Variants in KLHL13 observed in about 807,000 individuals in gnomAD.
The protein encoded by KLHL13 is kelch-like protein 13.
In KLHL13, 10 loss-of-function variants were observed where a neutral mutation model predicts 37.1. The observed-to-expected ratio is 0.27, with a 90% CI of 0.17 to 0.46. The LOEUF (loss-of-function observed/expected upper bound fraction) is 0.46. KLHL13 is among the 20% of genes least tolerant of loss of function. The pLI, the probability that KLHL13 is intolerant of heterozygous loss-of-function variation, is 1.00. For missense variants in KLHL13, 360 were observed against 509.3 expected (o/e 0.71, Z 2.82); for synonymous variants, 163 against 181.2 (o/e 0.90, Z 0.81).
At chrX:117,948,731 C>T (rs1357484216) in intron 1 of KLHL13, among the ~76,000 whole-genome samples, 3 of 111,701 alleles carry the variant, frequency 2.7e-5, no homozygotes, top group Non-Finnish European at 5.6e-5. Context: ...CCACAGCAGA[C>T]GTCTTATTCT....
intron 1 of KLHL13, chrX:117,946,394 TAGTC>T (rs1341589428): frequency 8.9e-6 from 1 of 112,275 alleles, no homozygotes; most frequent in Non-Finnish European, 1.9e-5. Flanking sequence ...AGGAGAACCT[TAGTC>T]AGTAGGTCAC....
chrX:117,950,972 A>C (rs1056732742), intron 1 of KLHL13, among the ~76,000 whole-genome samples: 1 of 112,216 alleles, frequency 8.9e-6, no homozygotes, highest in African/African-American at 3.2e-5. Context: ...CTTGAGAAAT[A>C]AATTAAAAAC....
chrX:118,083,253 T>C (rs1020176247), intron 1 of KLHL13, among the ~76,000 whole-genome samples: 6 of 111,589 alleles, frequency 5.4e-5, no homozygotes, highest in Non-Finnish European at 1.1e-4. Context: ...CAAGTATATA[T>C]ATGTATCTAT....
chrX:117,909,400 G>C, exon 5 of KLHL13: 1 of 1,210,376 alleles, frequency 8.3e-7, no homozygotes, highest in Non-Finnish European at 1.1e-6. Flanking sequence ...GATGCAACTT[G>C]CATCCATTTA....
chrX:117,977,548 G>A (rs2053609306), upstream of KLHL13, among the ~76,000 whole-genome samples: 1 of 111,684 alleles, frequency 9.0e-6, no homozygotes, highest in African/African-American at 3.3e-5. Context: ...GCAAGTTTTG[G>A]TTAATCCTGT....
intron 1 of KLHL13, among the ~76,000 whole-genome samples, chrX:118,057,617 G>A (rs927380100): frequency 9.0e-6 from 1 of 111,307 alleles, no homozygotes; most frequent in Non-Finnish European, 1.9e-5. Flanking sequence ...TCAGAAGATC[G>A]AGACCATCCT....
chrX:117,919,313 G>A (rs182462716), intron 4 of KLHL13, among the ~76,000 whole-genome samples: 3 of 112,099 alleles, frequency 2.7e-5, no homozygotes, highest in Non-Finnish European at 5.6e-5. Context: ...CGTGAGCCAC[G>A]ATGCCCGGCC....
intron 1 of KLHL13, among the ~76,000 whole-genome samples, chrX:117,969,475 G>A (rs2053487672): frequency 1.8e-5 from 2 of 111,697 alleles, no homozygotes; most frequent in African/African-American, 6.5e-5. Context: ...GTCAGGGGCA[G>A]AGTCTTTACT....
intron 1 of KLHL13, among the ~76,000 whole-genome samples, chrX:118,070,278 G>A (rs1037002662): frequency 1.1e-4 from 12 of 112,409 alleles, no homozygotes; most frequent in Admixed American, 6.6e-4. Flanking sequence ...TTTTGCTTAC[G>A]CTGCACCTCA....
upstream of KLHL13, chrX:118,116,986 TC>T (rs1037844941): frequency 1.8e-5 from 2 of 112,008 alleles, no homozygotes; most frequent in Non-Finnish European, 3.8e-5. Context: ...CGAACGGAAC[TC>T]CCAGGCTGTA....
At chrX:118,020,565 A>G (rs12383530) in intron 1 of KLHL13, among the ~76,000 whole-genome samples, 3 of 111,069 alleles carry the variant, frequency 2.7e-5, no homozygotes, top group Admixed American at 9.6e-5. Flanking sequence ...TAGTTCAACC[A>G]TTGTGGAAGT....
At chrX:117,921,140 A>G (rs2147698739) in intron 2 of KLHL13, among the ~76,000 whole-genome samples, 1 of 112,146 alleles carries the variant, frequency 8.9e-6, no homozygotes, top group Admixed American at 9.4e-5. Context: ...GATGGTCTCA[A>G]CTAACGACAA....
intron 1 of KLHL13, among the ~76,000 whole-genome samples, chrX:117,989,603 A>G (rs1442235339): frequency 1.8e-5 from 2 of 111,028 alleles, no homozygotes; most frequent in Non-Finnish European, 3.8e-5. Context: ...TGTACCAGAA[A>G]TATCTTCCCA....
chrX:118,061,172 T>C (rs977081314), intron 1 of KLHL13, among the ~76,000 whole-genome samples: 1 of 111,711 alleles, frequency 9.0e-6, no homozygotes. Flanking sequence ...AAATAAAATT[T>C]GTGGAGGTTG....
chrX:117,904,985 C>T (rs772024764), intron 5 of KLHL13, among the ~76,000 whole-genome samples: 2 of 111,190 alleles, frequency 1.8e-5, no homozygotes, highest in East Asian at 5.7e-4. Flanking sequence ...AATCCAGAAT[C>T]GGTCCCAGAA....
At chrX:117,903,177 AGC>A (rs1569409211) in intron 5 of KLHL13, among the ~76,000 whole-genome samples, 232 of 97,148 alleles carry the variant, frequency 2.4e-3, no homozygotes, top group Middle Eastern at 0.01. Flanking sequence ...GAGAGAGGAG[AGC>A]GAGAGAGAGA....
intron 1 of KLHL13, among the ~76,000 whole-genome samples, chrX:118,035,594 A>C (rs2054428238): frequency 9.1e-6 from 1 of 109,604 alleles, no homozygotes; most frequent in Non-Finnish European, 1.9e-5. Context: ...GACATATCTC[A>C]AAATAATAAG....
Position 117,903,135 on chromosome X carries a change from A to AACACACACAC in KLHL13, c.1367-1199_1367-1190dup, listed in dbSNP as rs751986919. Among the ~76,000 whole-genome samples, 62 of 99,805 alleles carry AACACACACAC rather than the reference A, an allele frequency of 6.2e-4. 1 individual carries two copies. Among genetic ancestry groups the AACACACACAC allele is most frequent in the African/African-American group, 2.3e-3 (59 of 25,671 alleles). 86.7% of individuals were successfully genotyped at this position (99,805 alleles called of 115,157 possible). On this transcript the variant is annotated intron_variant, in intron 5 of 6. Coordinates refer to ENST00000262820, the Ensembl canonical transcript of KLHL13. The stretch of plus-strand genomic sequence containing the variant: ...AAAAAAATAACATGGTGACAGGCAA[A>AACACACACAC]ACACACACACACACACACACACAGA...
chrX:118,023,105 TAC>T (rs2054237493), intron 1 of KLHL13, among the ~76,000 whole-genome samples: 1 of 110,209 alleles, frequency 9.1e-6, no homozygotes, highest in Non-Finnish European at 1.9e-5. Flanking sequence ...CAAGTGGATA[TAC>T]AGTTTTCCCA....
Sources: allele counts gnomAD v4.1 joint callset (sites outside exome capture counted in the v4.1 genomes callset), GRCh38; gene constraint gnomAD v4.1.1; transcripts MANE v1.5; gene names NCBI Gene and HGNC (gene_info 2026-07-23, HGNC 2026-07-21).